ANKFN1: variants seen among roughly 807,000 people sequenced by gnomAD.
The protein encoded by ANKFN1 is ankyrin repeat and fibronectin type III domain containing 1.
A neutral mutation model predicts 108.7 loss-of-function variants in ANKFN1; 74 were observed. That is an observed-to-expected ratio of 0.68 (90% CI 0.56 to 0.83). The LOEUF (loss-of-function observed/expected upper bound fraction) is 0.83. ANKFN1 is among the 40% of genes least tolerant of loss of function. The pLI, the probability that ANKFN1 is intolerant of heterozygous loss-of-function variation, is 0.00. For missense variants in ANKFN1, 1,505 were observed against 1,382.3 expected, an observed-to-expected ratio of 1.09 and a Z score of -1.41; for synonymous variants, 547 against 516.2, an observed-to-expected ratio of 1.06 and a Z score of -0.81.
chr17:56,063,538 T>C (rs1261624813), intron 4 of ANKFN1, among the ~76,000 whole-genome samples: 1 of 151,728 alleles, frequency 6.6e-6, no homozygotes, highest in Non-Finnish European at 1.5e-5. Context: ...GCTTGGTCGA[T>C]TTGGCTATTG....
chr17:56,267,807 T>C (rs1361738171), intron 3 of ANKFN1, among the ~76,000 whole-genome samples: 1 of 152,234 alleles, frequency 6.6e-6, no homozygotes, highest in East Asian at 1.9e-4. Context: ...GCTTCTAGTA[T>C]AATTCGAAGT....
At chr17:56,440,691 G>A (rs2049073216) in intron 9 of ANKFN1, among the ~76,000 whole-genome samples, 1 of 152,118 alleles carries the variant, frequency 6.6e-6, no homozygotes, top group Non-Finnish European at 1.5e-5. Context: ...CTGCTTTCTG[G>A]ATCACAGTCT....
chr17:56,380,621 C>T (rs1598489611), intron 8 of ANKFN1, among the ~76,000 whole-genome samples: 1 of 152,192 alleles, frequency 6.6e-6, no homozygotes, highest in African/African-American at 2.4e-5. Context: ...AAACAGCGCA[C>T]CAGGAGATTA....
At chr17:56,182,527 GAGGTGACAA>G (rs1381762995) in intron 1 of ANKFN1, among the ~76,000 whole-genome samples, 1 of 152,192 alleles carries the variant, frequency 6.6e-6, no homozygotes, top group African/African-American at 2.4e-5. Context: ...AAATCTGGGA[GAGGTGACAA>G]AGCTGCAGAA....
chr17:56,462,913 T>C (rs1288859304), intron 14 of ANKFN1, among the ~76,000 whole-genome samples: 2 of 152,188 alleles, frequency 1.3e-5, no homozygotes, highest in Non-Finnish European at 2.9e-5. Context: ...AGACATTTTA[T>C]CACGGCTCAC....
chr17:56,384,279 C>A (rs981733613), intron 8 of ANKFN1, among the ~76,000 whole-genome samples: 1 of 152,082 alleles, frequency 6.6e-6, no homozygotes, highest in Non-Finnish European at 1.5e-5. Flanking sequence ...AATTCAACAA[C>A]CCTTCATGCT....
chr17:56,182,622 T>G (rs947244303), intron 1 of ANKFN1, among the ~76,000 whole-genome samples: 1 of 152,160 alleles, frequency 6.6e-6, no homozygotes, highest in African/African-American at 2.4e-5. Context: ...AAATGCAAAG[T>G]GAGGCAGCAA....
intron 6 of ANKFN1, among the ~76,000 whole-genome samples, chr17:56,370,175 A>T (rs2046771733): frequency 6.6e-6 from 1 of 152,198 alleles, no homozygotes; most frequent in South Asian, 2.1e-4. Context: ...ATAATCTTGC[A>T]GAGCTCACCC....
At chr17:56,453,775 T>C (rs539645448) in intron 11 of ANKFN1, among the ~76,000 whole-genome samples, 2 of 151,902 alleles carry the variant, frequency 1.3e-5, no homozygotes, top group African/African-American at 2.4e-5. Flanking sequence ...TGGATGAGTA[T>C]AGAATTCTTG....
At chr17:56,219,951 G>A (rs1372914412) in intron 2 of ANKFN1, among the ~76,000 whole-genome samples, 1 of 152,232 alleles carries the variant, frequency 6.6e-6, no homozygotes, top group Non-Finnish European at 1.5e-5. Context: ...ATTGAAGTCA[G>A]AAAATCTGTA....
At chr17:56,410,517 A>G (rs1383660745) in intron 8 of ANKFN1, among the ~76,000 whole-genome samples, 1 of 152,060 alleles carries the variant, frequency 6.6e-6, no homozygotes, top group Non-Finnish European at 1.5e-5. Context: ...CACCTCACCA[A>G]CTTATTGTTT....
intron 3 of ANKFN1, among the ~76,000 whole-genome samples, chr17:56,284,536 G>C (rs1032555431): frequency 9.2e-5 from 14 of 152,224 alleles, no homozygotes; most frequent in Middle Eastern, 3.4e-3. Context: ...GCCCAGCATA[G>C]GAAAGCACAG....
chr17:56,221,031 C>T (rs1915860346), intron 2 of ANKFN1, among the ~76,000 whole-genome samples: 1 of 152,172 alleles, frequency 6.6e-6, no homozygotes, highest in East Asian at 1.9e-4. Context: ...ATGTTGGCAT[C>T]TGCTCAGCTT....
intron 1 of ANKFN1, among the ~76,000 whole-genome samples, chr17:56,165,816 A>G (rs577363959): frequency 6.6e-6 from 1 of 152,112 alleles, no homozygotes; most frequent in Non-Finnish European, 1.5e-5. Context: ...CTGTTTATGA[A>G]CAACAGTGCC....
chr17:56,322,362 G>A (rs2045396203), intron 3 of ANKFN1, among the ~76,000 whole-genome samples: 2 of 151,914 alleles, frequency 1.3e-5, no homozygotes, highest in African/African-American at 2.4e-5. Flanking sequence ...ATCTTCACGG[G>A]CCTTCACACC....
At position 56,492,466 on chromosome 17, in the gene ANKFN1, G is replaced by A. The variant is rs1331545227; in HGVS notation, c.2427+113G>A. 5.0e-6 allele frequency: 3 copies of A among 595,442 alleles called. No homozygotes were observed. In the African/African-American group the frequency reaches 5.5e-5, roughly 11 times the overall value. The allele number at this position is 595,442 out of a possible 1,614,324, so 36.9% of individuals were successfully genotyped here. A position where few individuals can be genotyped will look rare whatever the true frequency, so the allele number is the denominator to read the frequency against. ...TCCAGGCTGATTCAAAGAACACGGTGTGTAAGTTGCCTATTGAGTTGGTTA... is the reference window on the plus strand; with the variant it reads ...TCCAGGCTGATTCAAAGAACACGGTATGTAAGTTGCCTATTGAGTTGGTTA... On this transcript the variant is annotated intron_variant, in intron 19 of 20. Transcript: ENST00000682825.
intron 4 of ANKFN1, among the ~76,000 whole-genome samples, chr17:56,094,716 T>C (rs1598093650): frequency 1.4e-5 from 2 of 147,730 alleles, no homozygotes; most frequent in Admixed American, 1.4e-4. Context: ...GAGACGGGGT[T>C]TCACCATGTT....
intron 16 of ANKFN1, 45 bp downstream of exon 16, chr17:56,477,699 CT>C: frequency 6.3e-7 from 1 of 1,586,086 alleles, no homozygotes; most frequent in Non-Finnish European, 8.6e-7. Context: ...GAAACAGTGG[CT>C]CAAGTGACCA....
Position 56,457,975 on chromosome 17 carries a change from T to C in ANKFN1, c.1553T>C (p.Leu518Pro), listed in dbSNP as rs2049771455. The change falls in exon 14 of 21, where the codon CTA (leucine) becomes CCA (proline). Residue 518 changes from leucine to proline, a missense_variant. Physicochemically the swap from Leu to Pro is moderately conservative, Grantham distance 98. Coordinates refer to ENST00000682825, the MANE Select transcript of ANKFN1 (RefSeq NM_001370326.1). Reference protein sequence around the residue: ...RQKMLAATAQLQNLLGTHNLG... With the variant: ...RQKMLAATAQPQNLLGTHNLG... ...AAGATGCTCGCAGCAACAGCACAGC[T>C]ACAGGTAAGGGACCAGGTTTCAACC... is the stretch of plus-strand genomic sequence containing the variant. 1 of 1,613,408 alleles carries C rather than the reference T, an allele frequency of 6.2e-7. No individual in the cohort carries two copies. The highest frequency in any genetic ancestry group is 1.3e-5 in the African/African-American group (1 of 75,032).
Sources: allele counts gnomAD v4.1 joint callset (sites outside exome capture counted in the v4.1 genomes callset), GRCh38; gene constraint gnomAD v4.1.1; transcripts MANE v1.5; gene names NCBI Gene and HGNC (gene_info 2026-07-23, HGNC 2026-07-21).